Variants in HFM1 observed in about 807,000 individuals in gnomAD.
The protein encoded by HFM1 is probable ATP-dependent DNA helicase HFM1.
HFM1 carries 169 observed loss-of-function variants against 192.1 expected under a neutral mutation model. That is an observed-to-expected ratio of 0.88 (90% CI 0.78 to 1.00). The LOEUF is 1.00. Ranked by LOEUF, HFM1 falls within the 50% of genes least tolerant of loss-of-function variation. HFM1 has a pLI of 0.00. For synonymous variants in HFM1, 525 were observed against 537.8 expected (o/e 0.98, Z 0.33); for missense variants, 1,661 against 1,668.0 (o/e 1.00, Z 0.07).
At position 91,393,441 on chromosome 1, in the gene HFM1, G is replaced by A. The variant is rs568181950; in HGVS notation, c.494+652C>T. On this transcript the variant is annotated intron_variant, in intron 4 of 38. Transcript: ENST00000370425. The stretch of plus-strand genomic sequence containing the variant: ...ATATCTGTACTCATCACCTTCCCCC[G>A]AACCTGTTCTTACTTTATAGTTCTT... Among the ~76,000 whole-genome samples the A allele has an allele frequency of 2.1e-4, 32 of 152,090 alleles. No homozygotes were observed. In the Middle Eastern group the frequency reaches 0.01, roughly 48 times the overall value.
chr1:91,354,385 A>G (rs1331855691), intron 13 of HFM1, among the ~76,000 whole-genome samples: 3 of 152,056 alleles, frequency 2.0e-5, no homozygotes, highest in Non-Finnish European at 4.4e-5. Flanking sequence ...TGGAGGTTCC[A>G]GAAGGAGAAG....
chr1:91,351,680 G>A (rs747195516), intron 16 of HFM1, 37 bp from the exon 17 acceptor site: 2 of 1,110,278 alleles, frequency 1.8e-6, no homozygotes, highest in African/African-American at 3.1e-5. Context: ...GTGAAGAAGA[G>A]CACATCTTGG....
chr1:91,349,744 A>G (rs937373024), intron 18 of HFM1, among the ~76,000 whole-genome samples: 3 of 152,128 alleles, frequency 2.0e-5, no homozygotes, highest in Non-Finnish European at 4.4e-5. Context: ...TAGCTAAGAC[A>G]CTCCCAGATT....
Position 91,385,232 on chromosome 1 carries a change from C to A in HFM1, c.757G>T (p.Val253Leu). The change falls in exon 6 of 39, where the codon GTA becomes TTA. Residue 253 changes from valine to leucine, a missense_variant and splice_region_variant. By Grantham distance (32) the Val-to-Leu change is conservative (BLOSUM62 1). Transcript: ENST00000370425. ...AAGGAACCTAAACCATTTTCTGTTA[C>A]CTCTGAAAAAAAAATGCTACATATT... ...VAFQPHDIQEVTENGLGSLKA... is the reference protein window; with the variant it reads ...VAFQPHDIQELTENGLGSLKA... 1 of 1,542,312 alleles carries A rather than the reference C, an allele frequency of 6.5e-7. No individual in the cohort carries two copies. Among genetic ancestry groups the A allele is most frequent in the Non-Finnish European group, 8.9e-7 (1 of 1,124,372 alleles).
chr1:91,272,070 C>A (rs930160456), intron 34 of HFM1, among the ~76,000 whole-genome samples: 2 of 151,988 alleles, frequency 1.3e-5, no homozygotes, highest in African/African-American at 2.4e-5. Flanking sequence ...AACTGCCATG[C>A]TTTTTAAAAA....
At chr1:91,333,013 T>C (rs981115505) in intron 20 of HFM1, among the ~76,000 whole-genome samples, 5 of 152,192 alleles carry the variant, frequency 3.3e-5, no homozygotes, top group Non-Finnish European at 7.3e-5. Context: ...GAATGTAAAT[T>C]AGTACAACCA....
At chr1:91,375,244 T>C (rs1235878431) in intron 13 of HFM1, 114 bp downstream of exon 13, 6 of 655,886 alleles carry the variant, frequency 9.1e-6, no homozygotes, top group Admixed American at 2.9e-5. Context: ...CCTTATTTTA[T>C]AGATGAGGAC....
intron 30 of HFM1, among the ~76,000 whole-genome samples, chr1:91,291,421 C>T (rs1415999434): frequency 1.3e-5 from 2 of 152,166 alleles, no homozygotes; most frequent in African/African-American, 4.8e-5. Context: ...ATACTACAAA[C>T]ACCTCTACGC....
chr1:91,373,027 A>T (rs1223148047), intron 13 of HFM1, among the ~76,000 whole-genome samples: 1 of 152,176 alleles, frequency 6.6e-6, no homozygotes, highest in Non-Finnish European at 1.5e-5. Flanking sequence ...GTAACTAAGA[A>T]GATCAAGTTA....
intron 13 of HFM1, among the ~76,000 whole-genome samples, chr1:91,355,636 C>T (rs282058): frequency 0.096 from 14,604 of 151,924 alleles, 963 homozygotes; most frequent in African/African-American, 0.19. Flanking sequence ...CATAATTTAA[C>T]GACAAAGGGG....
chr1:91,286,907 C>T (rs4248874), intron 30 of HFM1, among the ~76,000 whole-genome samples: 30,454 of 152,060 alleles, frequency 0.2, 3,697 homozygotes, highest in South Asian at 0.35. Context: ...ACAGACGGCA[C>T]CTGGAAAATT....
intron 30 of HFM1, among the ~76,000 whole-genome samples, chr1:91,287,102 C>G (rs561682963): frequency 4.6e-4 from 70 of 152,282 alleles, no homozygotes; most frequent in African/African-American, 1.7e-3. Flanking sequence ...CCGCCACTGC[C>G]CAGGATTGCT....
At chr1:91,331,486 A>C (rs1433877228) in intron 20 of HFM1, among the ~76,000 whole-genome samples, 1 of 152,202 alleles carries the variant, frequency 6.6e-6, no homozygotes, top group African/African-American at 2.4e-5. Context: ...AAATGAAAAA[A>C]TATTCCATGA....
intron 18 of HFM1, among the ~76,000 whole-genome samples, chr1:91,350,507 G>A (rs902219331): frequency 6.6e-6 from 1 of 151,898 alleles, no homozygotes; most frequent in Admixed American, 6.6e-5. Context: ...TTTTCTACTA[G>A]ATCTATTTTT....
upstream of HFM1, chr1:91,404,925 T>G (rs1664728501): frequency 2.2e-6 from 1 of 452,466 alleles, no homozygotes; most frequent in Non-Finnish European, 4.4e-6. Context: ...CTTCCTACCT[T>G]TTTTTCTCCG....
intron 9 of HFM1, among the ~76,000 whole-genome samples, chr1:91,378,837 A>G (rs901445313): frequency 5.3e-5 from 8 of 152,042 alleles, no homozygotes; most frequent in Non-Finnish European, 1.2e-4. Flanking sequence ...CACAATAACA[A>G]ACTGCCTATT....
chr1:91,349,496 CTT>C (rs1026671569), intron 18 of HFM1, among the ~76,000 whole-genome samples: 4 of 152,126 alleles, frequency 2.6e-5, no homozygotes, highest in African/African-American at 9.7e-5. Flanking sequence ...CTCTCTCTCT[CTT>C]TCTCTCTCAG....
chr1:91,310,665 T>C (rs1034321093), intron 30 of HFM1, among the ~76,000 whole-genome samples: 1 of 152,188 alleles, frequency 6.6e-6, no homozygotes, highest in African/African-American at 2.4e-5. Flanking sequence ...GGCTGGTCTT[T>C]CCCTTGCTAT....
intron 20 of HFM1, chr1:91,328,440 G>C (rs1373136259): frequency 6.2e-7 from 1 of 1,611,278 alleles, no homozygotes; most frequent in Non-Finnish European, 8.5e-7. Context: ...CCACCCGGGA[G>C]AATGACATCA....
Sources: allele counts gnomAD v4.1 joint callset (sites outside exome capture counted in the v4.1 genomes callset), GRCh38; gene constraint gnomAD v4.1.1; transcripts MANE v1.5; gene names NCBI Gene and HGNC (gene_info 2026-07-23, HGNC 2026-07-21).